SHROOM4: variants seen among roughly 807,000 people sequenced by gnomAD.
SHROOM4 encodes the protein shroom family member 4, also known as protein Shroom4.
Under a neutral mutation model 80.3 loss-of-function variants are expected in SHROOM4, and 17 were observed. The observed-to-expected ratio is 0.21, with a 90% CI of 0.14 to 0.32. The LOEUF (loss-of-function observed/expected upper bound fraction) is 0.32. SHROOM4 is among the 10% of genes least tolerant of loss of function. SHROOM4 has a pLI of 1.00. For missense variants in SHROOM4, 993 were observed against 1,140.3 expected, an observed-to-expected ratio of 0.87 and a Z score of 1.86; for synonymous variants, 400 against 437.5, an observed-to-expected ratio of 0.91 and a Z score of 1.07.
At chrX:50,608,518 A>G (rs1602362005) in intron 5 of SHROOM4, among the ~76,000 whole-genome samples, 1 of 110,705 alleles carries the variant, frequency 9.0e-6, no homozygotes, top group East Asian at 2.9e-4. Flanking sequence ...TCATAAAGCT[A>G]GTATGTGGTA....
intron 1 of SHROOM4, among the ~76,000 whole-genome samples, chrX:50,776,931 TC>T (rs1247898656): frequency 9.0e-6 from 1 of 110,770 alleles, no homozygotes; most frequent in Non-Finnish European, 1.9e-5. Flanking sequence ...CAATTGATCC[TC>T]CTGCCTCGGC....
intron 2 of SHROOM4, among the ~76,000 whole-genome samples, chrX:50,662,383 C>G (rs1193596440): frequency 1.8e-5 from 2 of 110,120 alleles, no homozygotes; most frequent in African/African-American, 3.3e-5. Flanking sequence ...TGCCTGTAAT[C>G]CCAGCTACTT....
chrX:50,750,743 T>C (rs1934898621), intron 1 of SHROOM4, among the ~76,000 whole-genome samples: 1 of 112,233 alleles, frequency 8.9e-6, no homozygotes, highest in Non-Finnish European at 1.9e-5. Context: ...TTAAGACCTA[T>C]ATGGGAAGCA....
chrX:50,728,739 TA>T (rs781984533), intron 1 of SHROOM4, among the ~76,000 whole-genome samples: 1 of 111,778 alleles, frequency 8.9e-6, no homozygotes, highest in African/African-American at 3.2e-5. Context: ...AAAAAAATCA[TA>T]AACACCCTCA....
intron 1 of SHROOM4, among the ~76,000 whole-genome samples, chrX:50,754,476 G>A (rs1490807735): frequency 2.7e-5 from 3 of 111,581 alleles, no homozygotes; most frequent in Non-Finnish European, 5.7e-5. Flanking sequence ...ATTTATATTC[G>A]GAACTTGATT....
intron 1 of SHROOM4, among the ~76,000 whole-genome samples, chrX:50,751,814 G>A (rs1164934480): frequency 8.9e-6 from 1 of 112,003 alleles, no homozygotes; most frequent in African/African-American, 3.2e-5. Context: ...GCAGTGGGAA[G>A]AATACACTTT....
At chrX:50,757,571 C>T (rs1293848636) in intron 1 of SHROOM4, among the ~76,000 whole-genome samples, 1 of 111,779 alleles carries the variant, frequency 8.9e-6, no homozygotes, top group African/African-American at 3.3e-5. Context: ...GCCTGTAATC[C>T]CAGCACTTTG....
At position 50,635,443 on chromosome X, in the gene SHROOM4, C is replaced by A. The variant is rs781993988; in HGVS notation, c.630G>T (p.Glu210Asp). The A allele has an allele frequency of 4.1e-6, 5 of 1,207,118 alleles. No individual in the cohort carries two copies. The highest frequency in any genetic ancestry group is 5.6e-6 in the Non-Finnish European group (5 of 893,217). The change falls in exon 4 of 9, where the codon GAG becomes GAT. Residue 210 changes from glutamate to aspartate, a missense_variant. Transcript: ENST00000376020. ...GCATGATGCAGTCTGTAGAGGCTGG[C>A]TCCTCTGGCCTGAGGGAAAGGGCAC... is the stretch of plus-strand genomic sequence containing the variant. ...SDCALSLRPE[E>D]PASTDCIMQG...
intron 2 of SHROOM4, among the ~76,000 whole-genome samples, chrX:50,657,373 A>G (rs1175145901): frequency 9.0e-6 from 1 of 111,135 alleles, no homozygotes; most frequent in African/African-American, 3.3e-5. Context: ...ATGGAATATA[A>G]TGTTAGCTGT....
At chrX:50,623,223 T>C (rs971378527) in intron 5 of SHROOM4, among the ~76,000 whole-genome samples, 12 of 111,586 alleles carry the variant, frequency 1.1e-4, no homozygotes, top group African/African-American at 3.9e-4. Flanking sequence ...AGTCTCGTTC[T>C]GTTGCCCAGG....
chrX:50,738,249 T>C (rs1330621973), intron 1 of SHROOM4, among the ~76,000 whole-genome samples: 196 of 111,387 alleles, frequency 1.8e-3, no homozygotes, highest in African/African-American at 5.9e-3. Context: ...ACTAGAAGCA[T>C]TCCCTTTGAA....
the SHROOM4 span, among the ~76,000 whole-genome samples, chrX:50,581,149 A>T: frequency 8.9e-6 from 1 of 112,238 alleles, no homozygotes; most frequent in East Asian, 2.8e-4. Flanking sequence ...TTGTGGATGT[A>T]AAAATGCTGT....
chrX:50,730,888 G>T (rs1557266257), intron 1 of SHROOM4, among the ~76,000 whole-genome samples: 1 of 111,381 alleles, frequency 9.0e-6, no homozygotes, highest in Non-Finnish European at 1.9e-5. Flanking sequence ...GCGTCAGAAT[G>T]AAGCTGTATT....
Position 50,589,697 on chromosome X carries a change from T to C in SHROOM4, c.*6998A>G, listed in dbSNP as rs1402218990. Among the ~76,000 whole-genome samples, 1 of 112,370 alleles carries C rather than the reference T, an allele frequency of 8.9e-6. No homozygotes were observed. The highest frequency in any genetic ancestry group is 1.9e-5 in the Non-Finnish European group (1 of 53,269). ...CCTCAGTGGATGGACATTTGGGTCATTTCCACTTTTTGGCTATTATGAGTA... is the reference window on the plus strand; with the variant it reads ...CCTCAGTGGATGGACATTTGGGTCACTTCCACTTTTTGGCTATTATGAGTA... On this transcript the variant is annotated 3_prime_UTR_variant, in exon 9 of 9. Coordinates refer to ENST00000376020, the MANE Select transcript of SHROOM4 (RefSeq NM_020717.5).
chrX:50,700,203 TG>T (rs1933480916), intron 1 of SHROOM4, among the ~76,000 whole-genome samples: 1 of 112,477 alleles, frequency 8.9e-6, no homozygotes, highest in Non-Finnish European at 1.9e-5. Context: ...TTGATGTGTT[TG>T]TTTTTTTGTT....
chrX:50,637,838 C>G (rs1374222203), intron 3 of SHROOM4, among the ~76,000 whole-genome samples: 1 of 111,743 alleles, frequency 8.9e-6, no homozygotes, highest in Admixed American at 9.5e-5. Context: ...GCCCTGGGGT[C>G]CTCCTACATT....
chrX:50,607,601 C>T lies in SHROOM4; in HGVS notation c.3541G>A (p.Glu1181Lys). 1 of 1,211,526 alleles carries T rather than the reference C, an allele frequency of 8.3e-7. No individual in the cohort carries two copies. ...CCAAAGCTGAGGGGTTGTGGCTGCT[C>T]TAGGACCTCCTCAGGATTGAGAGCA... ...SCALNPEEVL[E>K]QPQPLSFGHL... Residue 1181 changes from glutamate to lysine, a missense_variant, in exon 6 of 9, where the codon GAG (glutamate) becomes AAG (lysine). Glu to Lys is a moderately conservative substitution (Grantham distance 56). Transcript: ENST00000376020.
At position 50,794,647 on chromosome X, in the gene SHROOM4, TAC is replaced by T. The variant is rs55726150; in HGVS notation, c.117+19253_117+19254del. On this transcript the variant is annotated intron_variant, in intron 1 of 8. Transcript: ENST00000376020. ...TCTGACACACACAAACACACACACATACACACACACACACACACACACTAAAA... is the reference window on the plus strand; with the variant it reads ...TCTGACACACACAAACACACACACATACACACACACACACACACACTAAAA... Among the ~76,000 whole-genome samples, 802 of 97,184 alleles carry T rather than the reference TAC, an allele frequency of 8.3e-3. 10 individuals are homozygous for T. Among genetic ancestry groups the T allele is most frequent in the African/African-American group, 0.026 (713 of 27,046 alleles). 84.4% of individuals were successfully genotyped at this position (97,184 alleles called of 115,157 possible). A position where few individuals can be genotyped will look rare whatever the true frequency, so the allele number is the denominator to read the frequency against.
intron 1 of SHROOM4, among the ~76,000 whole-genome samples, chrX:50,747,906 G>C (rs1934810877): frequency 9.0e-6 from 1 of 111,540 alleles, no homozygotes. Context: ...ATGAATCATG[G>C]GTATTACCCT....
Sources: gnomAD v4.1 joint callset for allele counts (sites outside exome capture counted in the v4.1 genomes callset) on GRCh38, gnomAD v4.1.1 for gene constraint, MANE v1.5 for transcripts, NCBI Gene and HGNC (gene_info 2026-07-23, HGNC 2026-07-21) for gene names.